SLC2A13: variants seen among roughly 807,000 people sequenced by gnomAD.
SLC2A13 encodes solute carrier family 2 member 13.
A neutral mutation model predicts 64.4 loss-of-function variants in SLC2A13; 32 were observed. That is an observed-to-expected ratio of 0.50 (90% confidence interval 0.37 to 0.67). The LOEUF (loss-of-function observed/expected upper bound fraction) is 0.67, where lower values mean the gene tolerates loss of function less well. Among genes scored for constraint, SLC2A13 ranks in the 30% least tolerant of loss-of-function variants. The pLI is 0.00. For synonymous variants in SLC2A13, 338 were observed against 327.1 expected (o/e 1.03, Z -0.36); for missense variants, 743 against 829.2 (o/e 0.90, Z 1.28).
intron 4 of SLC2A13, among the ~76,000 whole-genome samples, chr12:39,938,747 C>A (rs1450967822): frequency 6.6e-6 from 1 of 150,398 alleles, no homozygotes; most frequent in African/African-American, 2.4e-5. Context: ...TAAGAAAGTT[C>A]ACATCCATAT....
chr12:39,933,231 A>G (rs1945861575), intron 4 of SLC2A13, among the ~76,000 whole-genome samples: 1 of 152,196 alleles, frequency 6.6e-6, no homozygotes. Context: ...CCTGCCTAAC[A>G]ATAAATAAAT....
At chr12:39,904,010 T>C (rs753491306) in intron 4 of SLC2A13, among the ~76,000 whole-genome samples, 34 of 152,054 alleles carry the variant, frequency 2.2e-4, no homozygotes, top group Non-Finnish European at 4.3e-4. Context: ...CTAGATTCTG[T>C]CTGTGTCGGA....
chr12:40,036,542 A>G (rs1307037074), intron 2 of SLC2A13, among the ~76,000 whole-genome samples: 1 of 152,238 alleles, frequency 6.6e-6, no homozygotes, highest in African/African-American at 2.4e-5. Context: ...TGAACTTCAT[A>G]TGGAATCATG....
intron 1 of SLC2A13, among the ~76,000 whole-genome samples, chr12:40,049,364 T>C (rs942219112): frequency 2.0e-5 from 3 of 152,120 alleles, no homozygotes; most frequent in Non-Finnish European, 2.9e-5. Flanking sequence ...GAATTTATGA[T>C]GGCAAAAAAA....
intron 4 of SLC2A13, among the ~76,000 whole-genome samples, chr12:39,883,836 C>G (rs1046545369): frequency 3.3e-5 from 5 of 152,232 alleles, no homozygotes; most frequent in Middle Eastern, 6.8e-3. Flanking sequence ...GAAAAGAGGT[C>G]AGGAACATGC....
intron 6 of SLC2A13, among the ~76,000 whole-genome samples, chr12:39,849,614 G>C (rs1044809487): frequency 6.6e-6 from 1 of 152,126 alleles, no homozygotes; most frequent in East Asian, 1.9e-4. Flanking sequence ...GAGCAGTTAA[G>C]CTTCTTTGTT....
intron 6 of SLC2A13, among the ~76,000 whole-genome samples, chr12:39,861,021 C>CAAA (rs1943745150): frequency 2.0e-5 from 3 of 152,212 alleles, no homozygotes; most frequent in African/African-American, 7.2e-5. Flanking sequence ...TCTTAATAGT[C>CAAA]TTATCTGAAT....
intron 1 of SLC2A13, among the ~76,000 whole-genome samples, chr12:40,056,314 G>C (rs1487326893): frequency 1.3e-5 from 2 of 152,002 alleles, no homozygotes; most frequent in South Asian, 2.1e-4. Flanking sequence ...GATGAGAAAG[G>C]CCAGGGAAAA....
chr12:40,091,122 T>C (rs1436782780), intron 1 of SLC2A13, among the ~76,000 whole-genome samples: 1 of 152,170 alleles, frequency 6.6e-6, no homozygotes, highest in Non-Finnish European at 1.5e-5. Flanking sequence ...TGTAACACAA[T>C]GGTATTTTTG....
At chr12:40,005,554 G>T (rs1417750589) in intron 3 of SLC2A13, among the ~76,000 whole-genome samples, 1 of 152,122 alleles carries the variant, frequency 6.6e-6, no homozygotes, top group Non-Finnish European at 1.5e-5. Context: ...TTCTCAAAGG[G>T]CAGTCCAAAA....
In SLC2A13 at chr12:40,105,458, C is replaced by G. The variant is rs770599563; in HGVS notation, c.351G>C (p.Ala117=). 2 of 1,559,778 alleles carry G rather than the reference C, an allele frequency of 1.3e-6. No homozygotes were observed. Among genetic ancestry groups the G allele is most frequent in the African/African-American group, 1.4e-5 (1 of 73,030 alleles). The change falls in exon 1 of 10, where the codon GCG becomes GCC. Residue 117 remains alanine (A), a synonymous_variant. Transcript: ENST00000280871. The surrounding 1 kb of genome is among the most constrained non-coding windows in gnomAD (Gnocchi z 4.2). The stretch of plus-strand genomic sequence containing the variant: ...TGGACACCAGCAGCTCCTGCCACAG[C>G]GCGTCCAGACTGAGCTGCCGCTTGA... ...LLLKRQLSLD[A]LWQELLVSST...
intron 6 of SLC2A13, among the ~76,000 whole-genome samples, chr12:39,859,172 T>C (rs2135912682): frequency 6.6e-6 from 1 of 152,096 alleles, no homozygotes; most frequent in East Asian, 1.9e-4. Flanking sequence ...GGGAACTTCA[T>C]CTGAAGAGGA....
At chr12:39,930,507 C>T (rs1344159011) in intron 4 of SLC2A13, among the ~76,000 whole-genome samples, 1 of 151,948 alleles carries the variant, frequency 6.6e-6, no homozygotes, top group Non-Finnish European at 1.5e-5. Flanking sequence ...TTTCATCTTC[C>T]ATAATGAAAA....
intron 3 of SLC2A13, among the ~76,000 whole-genome samples, chr12:39,975,893 G>T (rs1946749380): frequency 6.6e-6 from 1 of 152,174 alleles, no homozygotes; most frequent in South Asian, 2.1e-4. Flanking sequence ...CATCAAACCG[G>T]ATTCTTAAAG....
At chr12:39,948,307 T>C (rs997005566) in intron 4 of SLC2A13, among the ~76,000 whole-genome samples, 1 of 152,014 alleles carries the variant, frequency 6.6e-6, no homozygotes. Flanking sequence ...GGTTGGGATA[T>C]AAAGAAACAT....
chr12:39,946,515 C>G (rs1946136320), intron 4 of SLC2A13, among the ~76,000 whole-genome samples: 1 of 152,178 alleles, frequency 6.6e-6, no homozygotes, highest in Non-Finnish European at 1.5e-5. Context: ...AGCTCAAACT[C>G]TCCTTGGGCG....
At chr12:39,789,132 GCT>G in intron 7 of SLC2A13, among the ~76,000 whole-genome samples, 1 of 152,142 alleles carries the variant, frequency 6.6e-6, no homozygotes, top group East Asian at 1.9e-4. Context: ...GATTTTAGAA[GCT>G]CTCTGTGAAC....
At chr12:40,044,399 G>A (rs1290460693) in intron 2 of SLC2A13, among the ~76,000 whole-genome samples, 1 of 152,124 alleles carries the variant, frequency 6.6e-6, no homozygotes, top group African/African-American at 2.4e-5. Flanking sequence ...TTGTGGCGAT[G>A]GTTGCATAGC....
At chr12:40,006,399 A>G (rs2136188904) in intron 3 of SLC2A13, among the ~76,000 whole-genome samples, 1 of 152,332 alleles carries the variant, frequency 6.6e-6, no homozygotes, top group Non-Finnish European at 1.5e-5. Context: ...TCCAGAAAAC[A>G]GTCAATAATA....
Sources: gnomAD v4.1 joint callset for allele counts (sites outside exome capture counted in the v4.1 genomes callset) on GRCh38, gnomAD v4.1.1 for gene constraint, Gnocchi (gnomAD v3.1) non-coding constraint, MANE v1.5 for transcripts, NCBI Gene and HGNC (gene_info 2026-07-23, HGNC 2026-07-21) for gene names.